CABIN1: variants seen among roughly 807,000 people sequenced by gnomAD.
The protein encoded by CABIN1 is calcineurin binding protein 1, also known as calcineurin-binding protein cabin-1.
A neutral mutation model predicts 227.7 loss-of-function variants in CABIN1; 133 were observed. The ratio of observed to expected loss-of-function variants is 0.58; its 90% CI spans 0.51 to 0.67. The LOEUF (loss-of-function observed/expected upper bound fraction) is 0.67, where lower values mean the gene tolerates loss of function less well. Among genes scored for constraint, CABIN1 ranks in the 30% least tolerant of loss-of-function variants. The probability of loss-of-function intolerance (pLI) is 0.00; values close to 1 mark genes in which losing one functional copy is unlikely to be tolerated. For synonymous variants in CABIN1, 1,086 were observed against 1,155.1 expected (o/e 0.94, Z 1.21); for missense variants, 2,408 against 2,852.5 (o/e 0.84, Z 3.55).
chr22:24,083,531 G>A lies in CABIN1; in HGVS notation c.2910+142G>A, dbSNP rs928516325. ...GAGGAGAGAAGACGGTCTGATGAGTGTATCAAAGGACAAGGGTTTTTCTTG... is the reference window on the plus strand; with the variant it reads ...GAGGAGAGAAGACGGTCTGATGAGTATATCAAAGGACAAGGGTTTTTCTTG... On this transcript the variant is annotated intron_variant, in intron 20 of 36. Transcript: ENST00000263119. 6 of 869,726 alleles carry A rather than the reference G, an allele frequency of 6.9e-6. No individual in the cohort carries two copies. In the Admixed American group the frequency reaches 9.3e-5, roughly 13 times the overall value. The allele number at this position is 869,726 out of a possible 1,614,324, so 53.9% of individuals were successfully genotyped here. A position where few individuals can be genotyped will look rare whatever the true frequency, so the allele number is the denominator to read the frequency against.
intron 5 of CABIN1, among the ~76,000 whole-genome samples, chr22:24,041,910 C>G (rs1279378050): frequency 6.6e-6 from 1 of 152,158 alleles, no homozygotes; most frequent in Non-Finnish European, 1.5e-5. Flanking sequence ...CAAGGTTTGT[C>G]TTCAAAGTAC....
intron 29 of CABIN1, among the ~76,000 whole-genome samples, chr22:24,137,726 A>G (rs1329246603): frequency 1.3e-5 from 2 of 152,244 alleles, no homozygotes; most frequent in African/African-American, 4.8e-5. Context: ...ATGTCAAGAA[A>G]TGCTGGGCAG....
intron 18 of CABIN1, among the ~76,000 whole-genome samples, chr22:24,075,077 C>T (rs969656173): frequency 1.3e-5 from 2 of 151,918 alleles, no homozygotes; most frequent in African/African-American, 2.4e-5. Flanking sequence ...GGTGGTGGCA[C>T]CTAGAGACCT....
chr22:24,044,712 G>A lies in CABIN1; in HGVS notation c.526+1628G>A, dbSNP rs573511764. Among the ~76,000 whole-genome samples, 21 of 152,232 alleles carry A rather than the reference G, an allele frequency of 1.4e-4. No homozygotes were observed. The South Asian group carries it at 3.5e-3, about 26-fold the overall frequency. ...TTCTACCAAACACTAGAACATAGAC[G>A]TAATTCAGCCAAGTGCTTTGCTACT... On this transcript the variant is annotated intron_variant, in intron 6 of 36. Coordinates refer to ENST00000263119, the MANE Select transcript of CABIN1 (RefSeq NM_012295.4).
chr22:24,160,920 C>T (rs1252512309), intron 29 of CABIN1, among the ~76,000 whole-genome samples: 1 of 152,218 alleles, frequency 6.6e-6, no homozygotes, highest in Non-Finnish European at 1.5e-5. Flanking sequence ...CTCAGTTCCC[C>T]CAGGAAAGTC....
At chr22:24,170,992 A>T (rs933810547) in intron 33 of CABIN1, among the ~76,000 whole-genome samples, 3 of 152,086 alleles carry the variant, frequency 2.0e-5, no homozygotes, top group Non-Finnish European at 4.4e-5. Flanking sequence ...GAGCCTTCAC[A>T]CCTGTCCCAG....
intron 28 of CABIN1, among the ~76,000 whole-genome samples, chr22:24,129,095 C>T (rs567390694): frequency 1.1e-4 from 16 of 152,320 alleles, no homozygotes; most frequent in East Asian, 7.7e-4. Context: ...GTCTGCCTTA[C>T]GGCTTTGCAC....
At position 24,057,091 on chromosome 22, in the gene CABIN1, C is replaced by T. The variant is rs540277344; in HGVS notation, c.1262+731C>T. On this transcript the variant is annotated intron_variant, in intron 10 of 36. Coordinates refer to ENST00000263119, the MANE Select transcript of CABIN1 (RefSeq NM_012295.4). Reference sequence around the variant, plus strand: ...AGCTGGGACTACAGGTGCCTGCCACCGCGCCTGGCTAATTTTTTGTATTTT... The same window carrying T: ...AGCTGGGACTACAGGTGCCTGCCACTGCGCCTGGCTAATTTTTTGTATTTT... Among the ~76,000 whole-genome samples, 49 of 152,274 alleles carry T rather than the reference C, an allele frequency of 3.2e-4. 1 individual carries two copies. Among genetic ancestry groups the T allele is most frequent in the Admixed American group, 2.3e-3 (35 of 15,306 alleles).
At chr22:24,071,829 TCCTGGGCTACCC>T (rs2040108276) in intron 17 of CABIN1, among the ~76,000 whole-genome samples, 1 of 152,164 alleles carries the variant, frequency 6.6e-6, no homozygotes, top group South Asian at 2.1e-4. Flanking sequence ...GCTGCAGCCT[TCCTGGGCTACCC>T]CCTGGGGTCC....
intron 8 of CABIN1, among the ~76,000 whole-genome samples, chr22:24,051,258 C>T (rs1013545989): frequency 1.3e-5 from 2 of 152,196 alleles, no homozygotes; most frequent in Non-Finnish European, 2.9e-5. Context: ...TCAGCCTGCC[C>T]TATCTAGAGG....
chr22:24,019,774 C>T (rs746490762), intron 1 of CABIN1, among the ~76,000 whole-genome samples: 38 of 148,492 alleles, frequency 2.6e-4, no homozygotes, highest in Admixed American at 1.4e-3. Context: ...TCTCCTGCTT[C>T]ACCCTCCCGA....
intron 27 of CABIN1, among the ~76,000 whole-genome samples, chr22:24,114,672 C>T (rs1251048335): frequency 6.6e-6 from 1 of 152,212 alleles, no homozygotes; most frequent in Non-Finnish European, 1.5e-5. Context: ...AACTGCCTCC[C>T]TGAGGGACCC....
chr22:24,054,771 G>GTCT (rs1569134484), intron 8 of CABIN1, 102 bp from the exon 9 acceptor site: 1 of 1,456,610 alleles, frequency 6.9e-7, no homozygotes, highest in Non-Finnish European at 9.6e-7. Flanking sequence ...GGCAGCTCCA[G>GTCT]GAGCAGCTCT....
At chr22:24,012,235 A>C (rs2034870682) in intron 1 of CABIN1, among the ~76,000 whole-genome samples, 2 of 152,240 alleles carry the variant, frequency 1.3e-5, no homozygotes, top group Admixed American at 6.5e-5. Flanking sequence ...AATACATAAC[A>C]GACTAGCTGC....
chr22:24,158,925 A>G (rs1032592153), intron 29 of CABIN1, among the ~76,000 whole-genome samples: 1 of 152,146 alleles, frequency 6.6e-6, no homozygotes, highest in African/African-American at 2.4e-5. Flanking sequence ...TGGGAATCAG[A>G]GTCACCTTAG....
At position 24,041,348 on chromosome 22, in the gene CABIN1, T is replaced by C. The variant is rs377519216; in HGVS notation, c.345+75T>C. On this transcript the variant is annotated intron_variant, in intron 5 of 36. Transcript: ENST00000263119. Reference sequence around the variant, plus strand: ...TGGAGGGGATGAGGTTGCGGTCTTGTGGGCCAAAAAGAAGAGTTTGTAGTG... The same window carrying C: ...TGGAGGGGATGAGGTTGCGGTCTTGCGGGCCAAAAAGAAGAGTTTGTAGTG... 18 of 1,590,438 alleles carry C rather than the reference T, an allele frequency of 1.1e-5. No individual in the cohort carries two copies. The African/African-American group carries it at 2.4e-4, about 21-fold the overall frequency.
At chr22:24,156,221 C>T in intron 29 of CABIN1, 1 of 388,466 alleles carries the variant, frequency 2.6e-6, no homozygotes, top group Admixed American at 4.5e-5. Flanking sequence ...TGGGCTCTGG[C>T]GGCCGCCCCC....
intron 28 of CABIN1, among the ~76,000 whole-genome samples, chr22:24,128,600 C>T (rs543227461): frequency 6.6e-6 from 1 of 152,332 alleles, no homozygotes; most frequent in South Asian, 2.1e-4. Context: ...GCCAATTCCC[C>T]TTCACACAGG....
intron 32 of CABIN1, among the ~76,000 whole-genome samples, 177 bp from the exon 33 acceptor site, chr22:24,168,270 G>T (rs2015665592): frequency 6.6e-6 from 1 of 152,254 alleles, no homozygotes; most frequent in African/African-American, 2.4e-5. Context: ...TAGGGGTCTA[G>T]ATGCGGACAG....
Sources: gnomAD v4.1 joint callset for allele counts (sites outside exome capture counted in the v4.1 genomes callset) on GRCh38, gnomAD v4.1.1 for gene constraint, MANE v1.5 for transcripts, NCBI Gene and HGNC (gene_info 2026-07-23, HGNC 2026-07-21) for gene names.